The following BET1L variants were observed in gnomAD, a reference collection of about 807,000 sequenced individuals.
BET1L encodes the protein Bet1 golgi vesicular membrane trafficking protein like, also known as BET1-like protein.
Under a neutral mutation model 12.6 loss-of-function variants are expected in BET1L, and 13 were observed. The ratio of observed to expected loss-of-function variants is 1.03; its 90% CI spans 0.67 to 1.64. The LOEUF is 1.64. BET1L is among the 40% of genes most tolerant of loss of function. The pLI is 0.00. For synonymous variants in BET1L, 60 were observed against 56.9 expected (o/e 1.05, Z -0.25); for missense variants, 154 against 150.7 (o/e 1.02, Z -0.11).
At position 205,472 on chromosome 11, in the gene BET1L, A is replaced by C. The variant is rs1270008725; in HGVS notation, c.169-3T>G. 19 of 1,614,088 alleles carry C rather than the reference A, an allele frequency of 1.2e-5. No individual in the cohort carries two copies. The highest frequency in any genetic ancestry group is 1.5e-5 in the Non-Finnish European group (18 of 1,180,036). ...GTCATGCTTGTGAAATCCGAGTCCT[A>C]AGGGAGGAATCCCAGCAAGATCACA... On this transcript the variant is annotated splice_region_variant and splice_polypyrimidine_tract_variant and intron_variant, in intron 3 of 3. Coordinates refer to ENST00000382762, the MANE Select transcript of BET1L (RefSeq NM_001098787.2).
chr11:206,310 G>C (rs1296232421), intron 1 of BET1L, among the ~76,000 whole-genome samples: 3 of 152,220 alleles, frequency 2.0e-5, no homozygotes, highest in African/African-American at 7.2e-5. Context: ...CTGAGACTGT[G>C]TAGCAAAAAC....
In BET1L at chr11:205,345, G is replaced by A. The variant is rs1475051584; in HGVS notation, c.293C>T (p.Ala98Val). 1 of 1,613,994 alleles carries A rather than the reference G, an allele frequency of 6.2e-7. No homozygotes were observed. The highest frequency in any genetic ancestry group is 2.2e-5 in the East Asian group (1 of 44,878). Residue 98 changes from alanine to valine, a missense_variant, in exon 4 of 4, where the codon GCC becomes GTC. By Grantham distance (64) the Ala-to-Val change is moderately conservative. Coordinates refer to ENST00000382762, the MANE Select transcript of BET1L (RefSeq NM_001098787.2). ...CAAGAAGTAGGAGAGGATGAAGAAG[G>A]CCACAATTAGACCCACGGCCATGCC... ...LCGMAVGLIV[A>V]FFILSYFLSR...
chr11:204,357 A>G lies in BET1L; in HGVS notation c.*945T>C, dbSNP rs78309322. ...CTGGGGACAAGGAGGATGGCACAGA[A>G]TGCCATCACAGCCAGGGGAGTCTGG... On this transcript the variant is annotated 3_prime_UTR_variant, in exon 4 of 4. Transcript: ENST00000382762. The G allele has an allele frequency of 6.9e-3, 1,047 of 152,378 alleles. 8 individuals are homozygous for G. Among genetic ancestry groups the G allele is most frequent in the African/African-American group, 0.024 (994 of 41,538 alleles). The allele number at this position is 152,378 out of a possible 1,614,324, so 9.4% of individuals were successfully genotyped here.
At chr11:205,814 G>T in intron 2 of BET1L, 138 bp downstream of exon 2, 1 of 1,427,994 alleles carries the variant, frequency 7.0e-7, no homozygotes, top group Non-Finnish European at 9.6e-7. Context: ...GTCAGCTGGG[G>T]CCTCATGCAG....
Position 203,390 on chromosome 11 carries a change from A to G in BET1L, c.*1912T>C, listed in dbSNP as rs1335134298. On this transcript the variant is annotated 3_prime_UTR_variant, in exon 4 of 4. Coordinates refer to ENST00000382762, the MANE Select transcript of BET1L (RefSeq NM_001098787.2). ...GCAAAGCACCTCTCCAGCGAAAGCC[A>G]CTCCGAGATGCAGCCTAACTTCCTA... 1 of 152,214 alleles carries G rather than the reference A, an allele frequency of 6.6e-6. No individual in the cohort carries two copies. The highest frequency in any genetic ancestry group is 1.5e-5 in the Non-Finnish European group (1 of 68,034). 9.4% of individuals were successfully genotyped at this position (152,214 alleles called of 1,614,324 possible). A position where few individuals can be genotyped will look rare whatever the true frequency, so the allele number is the denominator to read the frequency against.
intron 2 of BET1L, 138 bp downstream of exon 2, chr11:205,814 G>A: frequency 7.0e-7 from 1 of 1,427,996 alleles, no homozygotes; most frequent in Non-Finnish European, 9.6e-7. Flanking sequence ...GTCAGCTGGG[G>A]CCTCATGCAG....
chr11:207,359 C>CGGCCACAGCCACCTCAGACGT lies in BET1L; in HGVS notation c.-39_-38insACGTCTGAGGTGGCTGTGGCC, dbSNP rs1554887984. ...CGGCTCCTCGACGCGGACACCGACG[C>CGGCCACAGCCACCTCAGACGT]GGCCACAGCCGCCTCAGACGTGGCG... On this transcript the variant is annotated 5_prime_UTR_variant, in exon 1 of 4. Transcript: ENST00000382762. The CGGCCACAGCCACCTCAGACGT allele has an allele frequency of 8.6e-6, 13 of 1,506,398 alleles. No individual in the cohort carries two copies. The highest frequency in any genetic ancestry group is 1.1e-5 in the Non-Finnish European group (13 of 1,132,112). 93.3% of individuals were successfully genotyped at this position (1,506,398 alleles called of 1,614,324 possible).
rs190584141 is a variant in BET1L, at chr11:205,398, G to C, written c.240C>G (p.Ser80=). The C allele has an allele frequency of 6.2e-7, 1 of 1,614,198 alleles. No homozygotes were observed. The highest frequency in any genetic ancestry group is 1.3e-5 in the African/African-American group (1 of 75,052). The change falls in exon 4 of 4, where the codon TCC becomes TCG. Residue 80 remains serine, a synonymous_variant. Coordinates refer to ENST00000382762, the MANE Select transcript of BET1L (RefSeq NM_001098787.2). ...SVKRFSTMAR[S]GQDNRKLLCG... Reference sequence around the variant, plus strand: ...ATAGAAGCTTCCGGTTGTCTTGTCCGGACCTTGCCATTGTGGAAAAGCGCT... The same window carrying C: ...ATAGAAGCTTCCGGTTGTCTTGTCCCGACCTTGCCATTGTGGAAAAGCGCT...
rs573254580 is a variant in BET1L, at chr11:204,194, C to G, written c.*1108G>C. 6.6e-6 allele frequency: 1 copy of G among 152,456 alleles called. No individual in the cohort carries two copies. Among genetic ancestry groups the G allele is most frequent in the South Asian group, 2.1e-4 (1 of 4,836 alleles). The allele number at this position is 152,456 out of a possible 1,614,324, so 9.4% of individuals were successfully genotyped here. A position where few individuals can be genotyped will look rare whatever the true frequency, so the allele number is the denominator to read the frequency against. ...TCATGCTTTAAAGGTGTTTTTATGC[C>G]AAGACAAGGGGGCGAGGACCTCATC... On this transcript the variant is annotated 3_prime_UTR_variant, in exon 4 of 4. Transcript: ENST00000382762.
chr11:207,140 G>T, intron 1 of BET1L, 163 bp downstream of exon 1: 2 of 971,518 alleles, frequency 2.1e-6, no homozygotes, highest in Non-Finnish European at 2.8e-6. Flanking sequence ...GCCGAAACCC[G>T]GCCCTGCTCG....
At chr11:206,155 G>T in intron 1 of BET1L, 112 bp from the exon 2 acceptor site, 2 of 841,570 alleles carry the variant, frequency 2.4e-6, no homozygotes, top group Non-Finnish European at 3.9e-6. Context: ...CCTAACCAAG[G>T]TTCCAGCAGG....
In BET1L at chr11:205,290, G is replaced by C; in HGVS notation, c.*12C>G. 2 of 1,608,370 alleles carry C rather than the reference G, an allele frequency of 1.2e-6. No individual in the cohort carries two copies. The highest frequency in any genetic ancestry group is 1.7e-6 in the Non-Finnish European group (2 of 1,176,292). ...CTGCCCTTGGCACCCACAGACACCA[G>C]CTCCCACTGGCTCACGTCCTTGCCC... On this transcript the variant is annotated 3_prime_UTR_variant, in exon 4 of 4. Coordinates refer to ENST00000382762, the MANE Select transcript of BET1L (RefSeq NM_001098787.2).
chr11:205,659 C>T lies in BET1L; in HGVS notation c.120G>A (p.Leu40=). Residue 40 remains leucine (L), a synonymous_variant, in exon 3 of 4, where the codon CTG becomes CTA. Transcript: ENST00000382762. ...SKVTRLKSLA[L]DIDRDAEDQN... is the part of the protein sequence containing the mutation. The stretch of plus-strand genomic sequence containing the variant: ...GATCCTCTGCATCCCTATCGATGTC[C>T]AGGGCGAGCTGTTCAGCAGACAGAG... 3.7e-6 allele frequency: 6 copies of T among 1,609,784 alleles called. No homozygotes were observed. The highest frequency in any genetic ancestry group is 5.1e-6 in the Non-Finnish European group (6 of 1,177,952).
At position 204,233 on chromosome 11, in the gene BET1L, A is replaced by T. The variant is rs1212949337; in HGVS notation, c.*1069T>A. 6.6e-6 allele frequency: 1 copy of T among 152,324 alleles called. No individual in the cohort carries two copies. The highest frequency in any genetic ancestry group is 1.5e-5 in the Non-Finnish European group (1 of 68,130). 9.4% of individuals were successfully genotyped at this position (152,324 alleles called of 1,614,324 possible). A position where few individuals can be genotyped will look rare whatever the true frequency, so the allele number is the denominator to read the frequency against. ...GAGGACCTCATCTTGAGGTGGGAAG[A>T]AGTCGTTGCCCTGCCAGTCCAGTGG... On this transcript the variant is annotated 3_prime_UTR_variant, in exon 4 of 4. Transcript: ENST00000382762.
rs1398233040 is a variant in BET1L at position 205,278 on chromosome 11, CCA to C, written c.*22_*23del. On this transcript the variant is annotated 3_prime_UTR_variant, in exon 4 of 4. Coordinates refer to ENST00000382762, the MANE Select transcript of BET1L (RefSeq NM_001098787.2). ...GGAAGACCCTGGCTGCCCTTGGCAC[CCA>C]CAGACACCAGCTCCCACTGGCTCAC... 2 of 1,601,872 alleles carry C rather than the reference CCA, an allele frequency of 1.2e-6. No individual in the cohort carries two copies. Among genetic ancestry groups the C allele is most frequent in the East Asian group, 2.2e-5 (1 of 44,630 alleles).
Position 205,258 on chromosome 11 carries a change from A to C in BET1L, c.*44T>G. The C allele has an allele frequency of 6.3e-7, 1 of 1,584,952 alleles. No homozygotes were observed. Among genetic ancestry groups the C allele is most frequent in the Non-Finnish European group, 8.6e-7 (1 of 1,163,616 alleles). On this transcript the variant is annotated 3_prime_UTR_variant, in exon 4 of 4. Transcript: ENST00000382762. ...GAGCCCAAAACACCAGGCAGGGAAG[A>C]CCCTGGCTGCCCTTGGCACCCACAG...
At position 207,389 on chromosome 11, in the gene BET1L, C is replaced by A. The variant is rs1256655708; in HGVS notation, c.-68G>T. The A allele has an allele frequency of 1.9e-5, 28 of 1,480,082 alleles. No homozygotes were observed. Among genetic ancestry groups the A allele is most frequent in the Non-Finnish European group, 2.4e-5 (27 of 1,117,132 alleles). The allele number at this position is 1,480,082 out of a possible 1,614,324, so 91.7% of individuals were successfully genotyped here. A position where few individuals can be genotyped will look rare whatever the true frequency, so the allele number is the denominator to read the frequency against. ...ACAGCCGCCTCAGACGTGGCGCAGT[C>A]GCGGGGAAAGAGCTTCCGGCCCCGC... is the stretch of plus-strand genomic sequence containing the variant. On this transcript the variant is annotated 5_prime_UTR_variant, in exon 1 of 4. Transcript: ENST00000382762.
At chr11:207,021 G>C (rs952741981) in intron 1 of BET1L, 7 of 492,314 alleles carry the variant, frequency 1.4e-5, no homozygotes, top group East Asian at 1.1e-4. Context: ...AACCCATGCA[G>C]AACGATCTCA....
rs369699119 is a variant in BET1L, at chr11:206,088, C to T, written c.20-45G>A. ...GAAGGGTTGCATCCATCGGTGAGCA[C>T]GGCCCCTGACCCCTCTCACTCCAAC... On this transcript the variant is annotated intron_variant, in intron 1 of 3. Coordinates refer to ENST00000382762, the MANE Select transcript of BET1L (RefSeq NM_001098787.2). The T allele has an allele frequency of 1.3e-5, 20 of 1,557,998 alleles. 1 individual carries two copies. The South Asian group carries it at 2.1e-4, about 16-fold the overall frequency.
Sources: allele counts gnomAD v4.1 joint callset (sites outside exome capture counted in the v4.1 genomes callset), GRCh38; gene constraint gnomAD v4.1.1; transcripts MANE v1.5; gene names NCBI Gene and HGNC (gene_info 2026-07-23, HGNC 2026-07-21).